Variants in BBS9 observed in about 807,000 individuals in gnomAD.
BBS9 encodes the protein Bardet-Biedl syndrome 9, also known as protein PTHB1.
Under a neutral mutation model 117.7 loss-of-function variants are expected in BBS9, and 89 were observed. That is an observed-to-expected ratio of 0.76 (90% CI 0.64 to 0.90). BBS9 has a LOEUF of 0.90. BBS9 is among the 40% of genes least tolerant of loss of function. The pLI, the probability that BBS9 is intolerant of heterozygous loss-of-function variation, is 0.00. For synonymous variants in BBS9, 379 were observed against 370.9 expected (o/e 1.02, Z -0.25); for missense variants, 982 against 1,042.2 (o/e 0.94, Z 0.80).
At chr7:33,512,865 C>T (rs929485084) in intron 20 of BBS9, among the ~76,000 whole-genome samples, 3 of 152,222 alleles carry the variant, frequency 2.0e-5, no homozygotes, top group Non-Finnish European at 4.4e-5. Flanking sequence ...CTGGAAACGC[C>T]CCTTGGCTCA....
At chr7:33,188,910 G>C (rs187420566) in intron 5 of BBS9, among the ~76,000 whole-genome samples, 2 of 152,114 alleles carry the variant, frequency 1.3e-5, no homozygotes, top group South Asian at 4.2e-4. Flanking sequence ...ATAAGGGGGG[G>C]AGAAGTCTTT....
At chr7:33,500,217 A>G (rs1024690939) in intron 19 of BBS9, among the ~76,000 whole-genome samples, 2 of 152,234 alleles carry the variant, frequency 1.3e-5, no homozygotes, top group African/African-American at 2.4e-5. Flanking sequence ...ACTAAAGCAC[A>G]TATGCCTATC....
intron 19 of BBS9, among the ~76,000 whole-genome samples, chr7:33,466,821 T>C (rs577464463): frequency 2.7e-4 from 41 of 152,266 alleles, no homozygotes; most frequent in Admixed American, 1.6e-3. Context: ...CAGTGGCATG[T>C]ATTTGACCAA....
intron 5 of BBS9, among the ~76,000 whole-genome samples, chr7:33,215,478 A>G (rs188599089): frequency 2.0e-5 from 3 of 152,242 alleles, no homozygotes; most frequent in Non-Finnish European, 2.9e-5. Flanking sequence ...CTCTTGCAAT[A>G]TATGATATTC....
intron 1 of BBS9, among the ~76,000 whole-genome samples, chr7:33,139,746 T>C (rs1050333470): frequency 2.7e-5 from 4 of 147,080 alleles, no homozygotes; most frequent in Non-Finnish European, 5.9e-5. Context: ...TACTTTCTTA[T>C]TTTCTCTCCT....
chr7:33,271,615 G>A (rs7794564), intron 7 of BBS9, among the ~76,000 whole-genome samples: 273 of 152,222 alleles, frequency 1.8e-3, no homozygotes, highest in African/African-American at 6.3e-3. Context: ...ACAAATAAGG[G>A]CATTACATAA....
intron 19 of BBS9, among the ~76,000 whole-genome samples, chr7:33,437,568 A>G (rs1381075811): frequency 6.6e-6 from 1 of 152,170 alleles, no homozygotes; most frequent in African/African-American, 2.4e-5. Context: ...AACTGTGTAT[A>G]TGTCCAGCAT....
At chr7:33,543,780 C>T (rs1318744771) in intron 21 of BBS9, among the ~76,000 whole-genome samples, 1 of 152,128 alleles carries the variant, frequency 6.6e-6, no homozygotes, top group African/African-American at 2.4e-5. Flanking sequence ...TGATTATTCC[C>T]CCAAATATGT....
intron 15 of BBS9, among the ~76,000 whole-genome samples, chr7:33,356,467 A>C (rs905341466): frequency 2.0e-5 from 3 of 151,858 alleles, no homozygotes; most frequent in Admixed American, 2.0e-4. Context: ...AAGAGACACC[A>C]GTTGTAATTC....
At chr7:33,294,293 C>CTATT (rs1804725615) in intron 9 of BBS9, among the ~76,000 whole-genome samples, 2 of 6,704 alleles carry the variant, frequency 3.0e-4, no homozygotes, top group Admixed American at 1.6e-3. Context: ...TATCTATCAT[C>CTATT]TATCTATCTA....
intron 21 of BBS9, among the ~76,000 whole-genome samples, chr7:33,573,511 T>C (rs1858197639): frequency 6.6e-6 from 1 of 152,168 alleles, no homozygotes; most frequent in South Asian, 2.1e-4. Context: ...CTAAGCTTTA[T>C]AGTTCTCCAA....
At chr7:33,478,632 ACAAT>A (rs2128968963) in intron 19 of BBS9, among the ~76,000 whole-genome samples, 1 of 152,296 alleles carries the variant, frequency 6.6e-6, no homozygotes, top group East Asian at 1.9e-4. Context: ...TCTAGTCAAA[ACAAT>A]CAGGAATATT....
chr7:33,178,331 G>T (rs1046997656), intron 5 of BBS9, among the ~76,000 whole-genome samples: 7 of 152,158 alleles, frequency 4.6e-5, no homozygotes, highest in African/African-American at 1.7e-4. Flanking sequence ...AGTGAGACTG[G>T]GTTCCTCCCA....
intron 5 of BBS9, among the ~76,000 whole-genome samples, chr7:33,211,401 AG>A (rs1197191543): frequency 6.6e-6 from 1 of 152,214 alleles, no homozygotes; most frequent in Admixed American, 6.5e-5. Context: ...AATTGATGAC[AG>A]TATAACCCTG....
chr7:33,271,777 A>G (rs372547672), intron 7 of BBS9, among the ~76,000 whole-genome samples: 8 of 152,158 alleles, frequency 5.3e-5, no homozygotes, highest in African/African-American at 1.4e-4. Context: ...TCAACACCCC[A>G]CTGACCCTAT....
chr7:33,605,028 A>G (rs746411256), intron 22 of BBS9, 53 bp downstream of exon 22: 2 of 1,521,272 alleles, frequency 1.3e-6, no homozygotes, highest in Non-Finnish European at 1.8e-6. Flanking sequence ...AGCAGTGACA[A>G]TCTGGTCAGT....
At chr7:33,415,121 G>A (rs1167083878) in intron 19 of BBS9, among the ~76,000 whole-genome samples, 1 of 152,042 alleles carries the variant, frequency 6.6e-6, no homozygotes, top group Non-Finnish European at 1.5e-5. Flanking sequence ...CTTCATGGTG[G>A]GCTTCTTGGG....
At chr7:33,635,485 A>G (rs1489447534) in exon 22 of BBS9, among the ~76,000 whole-genome samples, 2 of 152,250 alleles carry the variant, frequency 1.3e-5, no homozygotes, top group African/African-American at 2.4e-5. Flanking sequence ...CCCTGGAACC[A>G]GCCTGCTCCA....
chr7:33,178,640 C>T (rs894294416), intron 5 of BBS9, among the ~76,000 whole-genome samples: 7 of 152,152 alleles, frequency 4.6e-5, no homozygotes, highest in African/African-American at 1.7e-4. Flanking sequence ...GAGCATGTAA[C>T]TAGGGATTTT....
Sources: gnomAD v4.1 joint callset for allele counts (sites outside exome capture counted in the v4.1 genomes callset) on GRCh38, gnomAD v4.1.1 for gene constraint, MANE v1.5 for transcripts, NCBI Gene and HGNC (gene_info 2026-07-23, HGNC 2026-07-21) for gene names.